Variants in SYT9 observed in about 807,000 individuals in gnomAD.
The protein encoded by SYT9 is synaptotagmin 9, also known as synaptotagmin-9.
In SYT9, 22 loss-of-function variants were observed where a neutral mutation model predicts 48.4. The observed-to-expected ratio is 0.45, with a 90% CI of 0.32 to 0.65. The LOEUF (loss-of-function observed/expected upper bound fraction) is 0.65, where lower values mean the gene tolerates loss of function less well. Among genes scored for constraint, SYT9 ranks in the 30% least tolerant of loss-of-function variants. The pLI, the probability that SYT9 is intolerant of heterozygous loss-of-function variation, is 0.03. For synonymous variants in SYT9, 265 were observed against 245.0 expected (o/e 1.08, Z -0.76); for missense variants, 577 against 622.0 (o/e 0.93, Z 0.77).
intron 3 of SYT9, among the ~76,000 whole-genome samples, chr11:7,413,016 CT>C (rs1847168148): frequency 6.6e-6 from 1 of 152,158 alleles, no homozygotes; most frequent in African/African-American, 2.4e-5. Flanking sequence ...CTCAGGTCCC[CT>C]GGTAATATGT....
At chr11:7,456,741 C>T (rs948728707) in intron 6 of SYT9, 4 of 152,152 alleles carry the variant, frequency 2.6e-5, no homozygotes, top group African/African-American at 9.7e-5. Flanking sequence ...ATTTAAACAG[C>T]CCCGTCCTGT....
At chr11:7,462,939 C>T (rs1410516052) in intron 6 of SYT9, among the ~76,000 whole-genome samples, 1 of 152,128 alleles carries the variant, frequency 6.6e-6, no homozygotes, top group Non-Finnish European at 1.5e-5. Flanking sequence ...TTTTTGTGAT[C>T]GAAATGTCAC....
chr11:7,450,603 T>C (rs1848029239), intron 6 of SYT9, among the ~76,000 whole-genome samples: 1 of 152,208 alleles, frequency 6.6e-6, no homozygotes, highest in Admixed American at 6.5e-5. Flanking sequence ...AAACTCACAG[T>C]GTTCCTCCAT....
intron 1 of SYT9, among the ~76,000 whole-genome samples, chr11:7,260,983 T>C (rs1024872623): frequency 6.6e-6 from 1 of 152,214 alleles, no homozygotes; most frequent in Admixed American, 6.5e-5. Flanking sequence ...GTCTGTTTTC[T>C]CTGAAGTTAT....
chr11:7,424,792 C>T (rs1172643453), intron 6 of SYT9, among the ~76,000 whole-genome samples: 1 of 152,236 alleles, frequency 6.6e-6, no homozygotes, highest in Non-Finnish European at 1.5e-5. Context: ...ACTCCAAGCT[C>T]AACCTTTGTG....
At position 7,313,736 on chromosome 11, in the gene SYT9, C is replaced by A; in HGVS notation, c.839C>A (p.Thr280Asn). Residue 280 changes from threonine (T) to asparagine (N), a missense_variant, in exon 3 of 7, where the codon ACC becomes AAC. By Grantham distance (65) the Thr-to-Asn change is moderately conservative. Transcript: ENST00000318881. ...CACCAGACTAAAGTTCACAGAAAGACCCTGAACCCTGTGTTTGATGAAGTG... is the reference window on the plus strand; with the variant it reads ...CACCAGACTAAAGTTCACAGAAAGAACCTGAACCCTGTGTTTGATGAAGTG... Reference protein sequence around the residue: ...TKHQTKVHRKTLNPVFDEVFL... With the variant: ...TKHQTKVHRKNLNPVFDEVFL... The A allele has an allele frequency of 6.2e-7, 1 of 1,614,176 alleles. No individual in the cohort carries two copies. The highest frequency in any genetic ancestry group is 8.5e-7 in the Non-Finnish European group (1 of 1,180,032).
chr11:7,394,915 C>G (rs575196278), intron 3 of SYT9, among the ~76,000 whole-genome samples: 1 of 152,124 alleles, frequency 6.6e-6, no homozygotes, highest in African/African-American at 2.4e-5. Context: ...AAATTTCTGC[C>G]CTAATTTCAA....
At chr11:7,347,974 A>AT (rs1369854612) in intron 3 of SYT9, among the ~76,000 whole-genome samples, 17 of 152,168 alleles carry the variant, frequency 1.1e-4, no homozygotes, top group African/African-American at 4.1e-4. Context: ...CTCTAGCTAC[A>AT]TTTATTTCCC....
intron 3 of SYT9, among the ~76,000 whole-genome samples, chr11:7,346,327 GAGAGGATGAGCAGC>G (rs1849800089): frequency 6.6e-6 from 1 of 152,230 alleles, no homozygotes; most frequent in African/African-American, 2.4e-5. Context: ...ATGCAAGAAA[GAGAGGATGAGCAGC>G]AGAGGGGGTT....
intron 3 of SYT9, among the ~76,000 whole-genome samples, chr11:7,376,182 T>C (rs1430188201): frequency 6.6e-6 from 1 of 152,122 alleles, no homozygotes; most frequent in East Asian, 1.9e-4. Context: ...TAATGCATGG[T>C]ACATGGTAGA....
At chr11:7,406,878 T>C (rs1357194150) in intron 3 of SYT9, among the ~76,000 whole-genome samples, 2 of 152,180 alleles carry the variant, frequency 1.3e-5, no homozygotes, top group African/African-American at 4.8e-5. Context: ...TTTTTAATAA[T>C]AGCCATTCTA....
At chr11:7,450,451 A>C (rs1171916413) in intron 6 of SYT9, 2 of 152,218 alleles carry the variant, frequency 1.3e-5, no homozygotes, top group African/African-American at 2.4e-5. Flanking sequence ...TCCTGGAACA[A>C]GAAGACGCAG....
At chr11:7,453,809 G>C (rs1848101751) in intron 6 of SYT9, among the ~76,000 whole-genome samples, 1 of 152,214 alleles carries the variant, frequency 6.6e-6, no homozygotes, top group Admixed American at 6.5e-5. Context: ...AGAGGAGGCA[G>C]GTGTGGCCAG....
At chr11:7,389,661 C>G (rs1276229013) in intron 3 of SYT9, among the ~76,000 whole-genome samples, 1 of 151,986 alleles carries the variant, frequency 6.6e-6, no homozygotes, top group East Asian at 1.9e-4. Flanking sequence ...ATCAACTCAT[C>G]ACTGAATAAA....
chr11:7,421,838 G>A (rs547224993), intron 6 of SYT9, among the ~76,000 whole-genome samples: 2 of 152,232 alleles, frequency 1.3e-5, no homozygotes, highest in South Asian at 2.1e-4. Context: ...ACTAATCTTC[G>A]AGAGGCACAA....
chr11:7,381,999 G>A (rs1850574125), intron 3 of SYT9, among the ~76,000 whole-genome samples: 1 of 152,118 alleles, frequency 6.6e-6, no homozygotes, highest in Non-Finnish European at 1.5e-5. Context: ...GCAGAACCAA[G>A]CCTTTTCTGA....
intron 3 of SYT9, among the ~76,000 whole-genome samples, chr11:7,386,462 A>C (rs1429792844): frequency 3.5e-5 from 5 of 142,480 alleles, no homozygotes; most frequent in East Asian, 2.1e-4. Context: ...AAAAAAAAAA[A>C]CAACCCCATC....
intron 2 of SYT9, among the ~76,000 whole-genome samples, chr11:7,312,914 G>T (rs186405820): frequency 3.7e-4 from 56 of 152,228 alleles, no homozygotes; most frequent in African/African-American, 1.3e-3. Flanking sequence ...GAACCAGTAA[G>T]AATTTATATC....
At chr11:7,373,222 A>G (rs1032758112) in intron 3 of SYT9, among the ~76,000 whole-genome samples, 1 of 152,094 alleles carries the variant, frequency 6.6e-6, no homozygotes, top group Non-Finnish European at 1.5e-5. Flanking sequence ...TTTGATGGAT[A>G]TGCTTCCTTG....
Sources: allele counts gnomAD v4.1 joint callset (sites outside exome capture counted in the v4.1 genomes callset), GRCh38; gene constraint gnomAD v4.1.1; transcripts MANE v1.5; gene names NCBI Gene and HGNC (gene_info 2026-07-23, HGNC 2026-07-21).